Variants in QKI observed in about 807,000 individuals in gnomAD.
The protein encoded by QKI is QKI, KH domain containing RNA binding.
Under a neutral mutation model 39.0 loss-of-function variants are expected in QKI, and 10 were observed. The observed-to-expected ratio is 0.26, with a 90% CI of 0.16 to 0.43. QKI has a LOEUF of 0.43. Ranked by LOEUF, QKI falls within the 20% of genes least tolerant of loss-of-function variation. The probability of loss-of-function intolerance (pLI) is 1.00; values close to 1 mark genes in which losing one functional copy is unlikely to be tolerated. For synonymous variants in QKI, 204 were observed against 155.4 expected (o/e 1.31, Z -2.33); for missense variants, 218 against 428.0 (o/e 0.51, Z 4.33).
intron 1 of QKI, among the ~76,000 whole-genome samples, chr6:163,440,713 G>A (rs1789701907): frequency 6.6e-6 from 1 of 152,106 alleles, no homozygotes; most frequent in Admixed American, 6.5e-5. Flanking sequence ...TATAGTTTTT[G>A]TTCATTTAGT....
intron 3 of QKI, among the ~76,000 whole-genome samples, chr6:163,524,775 A>G (rs1378680176): frequency 6.6e-6 from 1 of 151,928 alleles, no homozygotes; most frequent in Non-Finnish European, 1.5e-5. Flanking sequence ...CCTTCTGTTT[A>G]TTTTCTACGA....
At chr6:163,469,106 A>T (rs1791998086) in intron 2 of QKI, among the ~76,000 whole-genome samples, 1 of 152,180 alleles carries the variant, frequency 6.6e-6, no homozygotes, top group Admixed American at 6.5e-5. Context: ...GGTTAGTAAG[A>T]TTTAATGTGA....
intron 2 of QKI, among the ~76,000 whole-genome samples, chr6:163,459,102 T>G (rs964914638): frequency 4.6e-5 from 7 of 152,186 alleles, no homozygotes; most frequent in Admixed American, 1.3e-4. Flanking sequence ...CTAGCTTGAT[T>G]GAGGCTAACT....
intron 4 of QKI, among the ~76,000 whole-genome samples, chr6:163,559,113 T>A (rs1323704103): frequency 6.6e-6 from 1 of 152,250 alleles, no homozygotes; most frequent in Non-Finnish European, 1.5e-5. Context: ...CATTGCCAAA[T>A]AATGAATAGC....
intron 6 of QKI, chr6:163,564,907 G>A: frequency 7.4e-7 from 1 of 1,360,454 alleles, no homozygotes; most frequent in Non-Finnish European, 9.5e-7. Context: ...TTTTTCCCCA[G>A]CATTAATATT....
chr6:163,501,859 T>G (rs1005277520), intron 3 of QKI, among the ~76,000 whole-genome samples: 12 of 152,224 alleles, frequency 7.9e-5, no homozygotes, highest in Non-Finnish European at 1.8e-4. Flanking sequence ...TTTATCTGTT[T>G]GGAAGACATG....
intron 4 of QKI, among the ~76,000 whole-genome samples, chr6:163,547,525 A>T (rs745932003): frequency 2.6e-4 from 40 of 152,332 alleles, no homozygotes; most frequent in Non-Finnish European, 5.7e-4. Context: ...ATTCCAAATC[A>T]ACCAGCCATT....
At chr6:163,486,420 A>G (rs1284295848) in intron 3 of QKI, among the ~76,000 whole-genome samples, 3 of 152,242 alleles carry the variant, frequency 2.0e-5, no homozygotes, top group Non-Finnish European at 4.4e-5. Context: ...AAATGTTATT[A>G]GAGTCATATT....
intron 2 of QKI, among the ~76,000 whole-genome samples, chr6:163,472,672 T>C (rs1208592995): frequency 6.6e-6 from 1 of 152,230 alleles, no homozygotes; most frequent in Non-Finnish European, 1.5e-5. Context: ...GGATGGCTAT[T>C]ACATATAACA....
At chr6:163,483,355 TAAG>T (rs1266309591) in intron 3 of QKI, among the ~76,000 whole-genome samples, 1 of 152,176 alleles carries the variant, frequency 6.6e-6, no homozygotes, top group African/African-American at 2.4e-5. Flanking sequence ...TTGCTTAAAA[TAAG>T]AACAACGAAG....
At chr6:163,424,018 G>A (rs545320611) in intron 1 of QKI, among the ~76,000 whole-genome samples, 17 of 152,306 alleles carry the variant, frequency 1.1e-4, no homozygotes, top group African/African-American at 3.8e-4. Flanking sequence ...TGGAAACGGT[G>A]CTGCACCAGA....
At chr6:163,526,920 A>T (rs1353090453) in intron 3 of QKI, among the ~76,000 whole-genome samples, 1 of 152,164 alleles carries the variant, frequency 6.6e-6, no homozygotes, top group Non-Finnish European at 1.5e-5. Flanking sequence ...AAATTGGAAG[A>T]CATACCTGGC....
chr6:163,464,335 A>G (rs1791570354), intron 2 of QKI, among the ~76,000 whole-genome samples: 1 of 152,060 alleles, frequency 6.6e-6, no homozygotes, highest in African/African-American at 2.4e-5. Flanking sequence ...CAGAGTCTTA[A>G]ACAGAAGGAA....
intron 3 of QKI, among the ~76,000 whole-genome samples, chr6:163,480,284 C>T (rs1418170939): frequency 6.6e-6 from 1 of 151,762 alleles, no homozygotes; most frequent in East Asian, 1.9e-4. Flanking sequence ...TCTCTTTCTT[C>T]CTTCCTTCCT....
At chr6:163,525,783 G>A (rs955628478) in intron 3 of QKI, among the ~76,000 whole-genome samples, 4 of 152,226 alleles carry the variant, frequency 2.6e-5, no homozygotes, top group Non-Finnish European at 5.9e-5. Flanking sequence ...AAAGGCAGAC[G>A]AGTGTCATCT....
At chr6:163,433,321 G>C (rs1788983734) in intron 1 of QKI, among the ~76,000 whole-genome samples, 1 of 152,188 alleles carries the variant, frequency 6.6e-6, no homozygotes, top group Non-Finnish European at 1.5e-5. Flanking sequence ...AGGAGTGAAA[G>C]TATAGGAGCA....
At chr6:163,452,466 C>T (rs1790642795) in intron 1 of QKI, among the ~76,000 whole-genome samples, 1 of 152,138 alleles carries the variant, frequency 6.6e-6, no homozygotes, top group African/African-American at 2.4e-5. Context: ...GGAACCATGA[C>T]TTGTTTAACT....
In QKI at chr6:163,534,090, T is replaced by A. The variant is rs188911065; in HGVS notation, c.403-892T>A. 6.0e-4 allele frequency among the ~76,000 whole-genome samples: 92 copies of A among 152,204 alleles called. 1 individual carries two copies. The highest frequency in any genetic ancestry group is 1.2e-3 in the Non-Finnish European group (80 of 68,036). On this transcript the variant is annotated intron_variant, in intron 3 of 7. Transcript: ENST00000361752. Reference sequence around the variant, plus strand: ...TTATATTTACCATTTATATACTACTTATATATTCTTATTTTATTTAAAAAC... The same window carrying A: ...TTATATTTACCATTTATATACTACTAATATATTCTTATTTTATTTAAAAAC...
intron 4 of QKI, among the ~76,000 whole-genome samples, chr6:163,554,694 C>A (rs1198994391): frequency 2.6e-5 from 4 of 152,180 alleles, no homozygotes; most frequent in African/African-American, 9.7e-5. Flanking sequence ...AATCAAGAAC[C>A]TAAACAACAT....
Sources: allele counts gnomAD v4.1 joint callset (sites outside exome capture counted in the v4.1 genomes callset), GRCh38; gene constraint gnomAD v4.1.1; transcripts MANE v1.5; gene names NCBI Gene and HGNC (gene_info 2026-07-23, HGNC 2026-07-21).